The following CLCN5 variants were observed in gnomAD, a reference collection of about 807,000 sequenced individuals.
CLCN5 encodes the protein H(+)/Cl(-) exchange transporter 5.
CLCN5 carries 17 observed loss-of-function variants against 54.0 expected under a neutral mutation model. That is an observed-to-expected ratio of 0.31 (90% CI 0.22 to 0.47). CLCN5 has a LOEUF of 0.47. Among genes scored for constraint, CLCN5 ranks in the 20% least tolerant of loss-of-function variants. CLCN5 has a pLI of 1.00. For synonymous variants in CLCN5, 222 were observed against 233.0 expected (o/e 0.95, Z 0.43); for missense variants, 448 against 646.7 (o/e 0.69, Z 3.33).
At chrX:50,016,493 T>G (rs899253584) in intron 3 of CLCN5, among the ~76,000 whole-genome samples, 1 of 110,156 alleles carries the variant, frequency 9.1e-6, no homozygotes, top group Non-Finnish European at 1.9e-5. Context: ...CTTGTTAAAA[T>G]TGATGGGCTA....
chrX:50,043,427 A>G (rs1293387712), intron 4 of CLCN5, among the ~76,000 whole-genome samples: 8 of 112,079 alleles, frequency 7.1e-5, no homozygotes, highest in Non-Finnish European at 1.5e-4. Context: ...GAGAATGCCT[A>G]TTTCCCCACA....
chrX:50,005,104 T>G (rs1451654476), intron 3 of CLCN5, among the ~76,000 whole-genome samples: 2 of 111,815 alleles, frequency 1.8e-5, no homozygotes, highest in Non-Finnish European at 3.8e-5. Context: ...TTATAATTTA[T>G]TTGTTGGAAG....
At chrX:49,939,439 G>A (rs1008746149) in intron 3 of CLCN5, among the ~76,000 whole-genome samples, 17 of 111,357 alleles carry the variant, frequency 1.5e-4, no homozygotes, top group African/African-American at 4.3e-4. Context: ...ACATATACAC[G>A]ATGGGATACT....
Position 50,069,899 on chromosome X carries a change from G to A in CLCN5, c.184G>A (p.Gly62Arg), listed in dbSNP as rs552152163. 27 of 1,208,758 alleles carry A rather than the reference G, an allele frequency of 2.2e-5. No homozygotes were observed. The highest frequency in any genetic ancestry group is 8.9e-5 in the South Asian group (5 of 56,411). The change falls in exon 5 of 15, where the codon GGA (glycine) becomes AGA (arginine). Residue 62 changes from glycine (G) to arginine (R), a missense_variant. Around this residue, in one of 5 missense-constraint regions of CLCN5, gnomAD observed 69 missense variants for 60.9 expected, o/e 1.13. Coordinates refer to ENST00000376091, the MANE Select transcript of CLCN5 (RefSeq NM_001127898.4). ...TACAGAGGACAAGTCGTACAATGGT[G>A]GAGGAATAGGTTCTTCAAATAGGAT... ...EVGEDKSYNG[G>R]GIGSSNRIMD...
intron 4 of CLCN5, among the ~76,000 whole-genome samples, chrX:50,056,140 G>C (rs1366041435): frequency 9.1e-6 from 1 of 109,831 alleles, no homozygotes; most frequent in Admixed American, 9.9e-5. Context: ...CTCACAATTG[G>C]TATTTTCTGT....
intron 3 of CLCN5, among the ~76,000 whole-genome samples, chrX:49,950,733 T>TAA (rs1927003738): frequency 9.0e-6 from 1 of 111,316 alleles, no homozygotes; most frequent in African/African-American, 3.3e-5. Context: ...GGGTACATAG[T>TAA]GTATATATTT....
chrX:50,044,483 A>G (rs1557187586), intron 4 of CLCN5, among the ~76,000 whole-genome samples: 1 of 111,923 alleles, frequency 8.9e-6, no homozygotes, highest in African/African-American at 3.2e-5. Flanking sequence ...CGTATAAGAG[A>G]TCACCTGAGC....
chrX:50,029,501 C>T (rs1931585179), intron 3 of CLCN5, among the ~76,000 whole-genome samples: 1 of 111,212 alleles, frequency 9.0e-6, no homozygotes, highest in Non-Finnish European at 1.9e-5. Context: ...TTTATGGCTG[C>T]ATAGTATTCC....
intron 3 of CLCN5, among the ~76,000 whole-genome samples, chrX:49,980,382 G>A (rs947996550): frequency 5.4e-5 from 6 of 111,798 alleles, no homozygotes; most frequent in African/African-American, 1.9e-4. Context: ...AAATGGACTT[G>A]TGATTGGAAA....
intron 3 of CLCN5, among the ~76,000 whole-genome samples, chrX:49,948,296 C>T (rs1256153914): frequency 9.1e-6 from 1 of 110,386 alleles, no homozygotes; most frequent in Non-Finnish European, 1.9e-5. Flanking sequence ...CCACCATTAT[C>T]GGATTGGTGT....
At chrX:50,072,467 A>G (rs1557191618) in intron 5 of CLCN5, 22 bp from the exon 6 acceptor site, 8 of 1,060,468 alleles carry the variant, frequency 7.5e-6, no homozygotes, top group Non-Finnish European at 1.1e-5. Flanking sequence ...GAGTGTACCA[A>G]TGTTTTCTCA....
chrX:49,941,920 C>CTTTT lies in CLCN5; in HGVS notation c.16+16626_16+16629dup, dbSNP rs782574821. Among the ~76,000 whole-genome samples the CTTTT allele has an allele frequency of 9.3e-3, 565 of 60,557 alleles. 37 individuals are homozygous for CTTTT. The highest frequency in any genetic ancestry group is 0.036 in the African/African-American group (504 of 14,022). 52.6% of individuals were successfully genotyped at this position (60,557 alleles called of 115,157 possible). A position where few individuals can be genotyped will look rare whatever the true frequency, so the allele number is the denominator to read the frequency against. On this transcript the variant is annotated intron_variant, in intron 3 of 14. Transcript: ENST00000376091. ...ATGATATATCTTTCTCAATCAGTAT[C>CTTTT]TTTTTTTTTTTTTTTTTTTTTTTGC...
rs1557194363 is a variant in CLCN5 at position 50,088,876 on chromosome X, C to T, written c.1736C>T (p.Ala579Val). 1 of 1,209,563 alleles carries T rather than the reference C, an allele frequency of 8.3e-7. No homozygotes were observed. The highest frequency in any genetic ancestry group is 3.0e-5 in the East Asian group (1 of 33,825). The change falls in exon 12 of 15, where the codon GCC (alanine) becomes GTC (valine). Residue 579 changes from alanine (A) to valine (V), a missense_variant. Coordinates refer to ENST00000376091, the MANE Select transcript of CLCN5 (RefSeq NM_001127898.4). ...CTTTATGCAATGGTTGGGGCTGCAG[C>T]CTGCTTAGGTGAGTAGTGTTTGCAT... ...PGLYAMVGAAACLGGVTRMTV... is the reference protein window; with the variant it reads ...PGLYAMVGAAVCLGGVTRMTV...
intron 3 of CLCN5, among the ~76,000 whole-genome samples, chrX:50,019,467 T>A (rs1320636603): frequency 1.2e-5 from 1 of 85,854 alleles, no homozygotes; most frequent in Non-Finnish European, 2.1e-5. Flanking sequence ...TTTTTTTTTT[T>A]CTTTTTTTTT....
rs1012410619 is a variant in CLCN5 at position 50,007,206 on chromosome X, G to A, written c.17-35110G>A. ...CACAATCACAGATACACAAATACTC[G>A]TATATGCACATGTGCACAAGCAAGG... On this transcript the variant is annotated intron_variant, in intron 3 of 14. Coordinates refer to ENST00000376091, the MANE Select transcript of CLCN5 (RefSeq NM_001127898.4). Among the ~76,000 whole-genome samples the A allele has an allele frequency of 9.8e-5, 11 of 111,780 alleles. 1 individual carries two copies. Among genetic ancestry groups the A allele is most frequent in the Admixed American group, 7.6e-4 (8 of 10,551 alleles).
intron 3 of CLCN5, among the ~76,000 whole-genome samples, chrX:49,984,060 T>C (rs17174049): frequency 9.0e-6 from 1 of 111,403 alleles, no homozygotes; most frequent in Non-Finnish European, 1.9e-5. Context: ...TTTAGATGAC[T>C]ACTTCTAATG....
chrX:50,076,838 A>G (rs1008552291), intron 7 of CLCN5, among the ~76,000 whole-genome samples: 3 of 112,132 alleles, frequency 2.7e-5, no homozygotes, highest in Middle Eastern at 4.6e-3. Flanking sequence ...TTGGCCTACC[A>G]TATGTTTTTT....
chrX:50,016,294 A>T (rs782469217), intron 3 of CLCN5, among the ~76,000 whole-genome samples: 2 of 111,881 alleles, frequency 1.8e-5, no homozygotes, highest in East Asian at 5.6e-4. Flanking sequence ...GTTACACAGG[A>T]TGATTTTTAG....
chrX:49,990,003 G>A (rs180838991), intron 3 of CLCN5, among the ~76,000 whole-genome samples: 1 of 111,360 alleles, frequency 9.0e-6, no homozygotes, highest in East Asian at 2.8e-4. Context: ...TTTCAGGGTC[G>A]GTAATTAATA....
Sources: allele counts gnomAD v4.1 joint callset (sites outside exome capture counted in the v4.1 genomes callset), GRCh38; gene constraint gnomAD v4.1.1; regional missense constraint gnomAD v4.1.1; transcripts MANE v1.5; gene names NCBI Gene and HGNC (gene_info 2026-07-23, HGNC 2026-07-21).